ANKRD6: variants seen among roughly 807,000 people sequenced by gnomAD.
ANKRD6 encodes the protein ankyrin repeat domain-containing protein 6.
Under a neutral mutation model 82.3 loss-of-function variants are expected in ANKRD6, and 56 were observed. The observed-to-expected ratio is 0.68, with a 90% CI of 0.55 to 0.85. The LOEUF is 0.85. Among genes scored for constraint, ANKRD6 ranks in the 40% least tolerant of loss-of-function variants. The probability of loss-of-function intolerance (pLI) is 0.00; values close to 1 mark genes in which losing one functional copy is unlikely to be tolerated. For missense variants in ANKRD6, 852 were observed against 907.6 expected, an observed-to-expected ratio of 0.94 and a Z score of 0.79; for synonymous variants, 347 against 352.1, an observed-to-expected ratio of 0.99 and a Z score of 0.16.
At chr6:89,530,075 G>A (rs567665591) in intron 1 of ANKRD6, among the ~76,000 whole-genome samples, 1 of 152,084 alleles carries the variant, frequency 6.6e-6, no homozygotes, top group African/African-American at 2.4e-5. Flanking sequence ...GCAATGTGGT[G>A]AAACCCTGCC....
rs1186797557 is a variant in ANKRD6 at position 89,552,677 on chromosome 6, C to T, written c.-143-14157C>T. On this transcript the variant is annotated intron_variant, in intron 1 of 15. Coordinates refer to ENST00000339746, the MANE Select transcript of ANKRD6 (RefSeq NM_001242809.2). The stretch of plus-strand genomic sequence containing the variant: ...GTGAGTGCTTTTTCTGTGCCAAGTG[C>T]CGTGCTTATCATCTACTCCCTTGGG... Among the ~76,000 whole-genome samples, 4 of 152,276 alleles carry T rather than the reference C, an allele frequency of 2.6e-5. No individual in the cohort carries two copies. The East Asian group carries it at 7.7e-4, about 29-fold the overall frequency.
At chr6:89,570,111 C>G (rs1023312244) in intron 2 of ANKRD6, among the ~76,000 whole-genome samples, 1 of 147,906 alleles carries the variant, frequency 6.8e-6, no homozygotes, top group African/African-American at 2.5e-5. Flanking sequence ...AGATATGCTC[C>G]CCTCTGTCAC....
chr6:89,507,136 G>A (rs1779970256), intron 1 of ANKRD6, among the ~76,000 whole-genome samples: 1 of 152,112 alleles, frequency 6.6e-6, no homozygotes, highest in Non-Finnish European at 1.5e-5. Context: ...AATAAACAAA[G>A]TAGGCTCCAA....
At chr6:89,575,176 G>A (rs1212519384) in intron 2 of ANKRD6, among the ~76,000 whole-genome samples, 1 of 152,152 alleles carries the variant, frequency 6.6e-6, no homozygotes, top group African/African-American at 2.4e-5. Context: ...ATTCAACTAG[G>A]TCAGATAATT....
At chr6:89,538,546 A>G (rs1398286050) in intron 1 of ANKRD6, among the ~76,000 whole-genome samples, 1 of 152,224 alleles carries the variant, frequency 6.6e-6, no homozygotes, top group East Asian at 1.9e-4. Context: ...TCCTTCAAGA[A>G]TATCTTACTA....
intron 1 of ANKRD6, among the ~76,000 whole-genome samples, chr6:89,475,736 G>C (rs1041681162): frequency 2.6e-5 from 4 of 152,130 alleles, no homozygotes; most frequent in Non-Finnish European, 5.9e-5. Flanking sequence ...GTTTTCATAG[G>C]ACAGATTCCC....
chr6:89,597,831 A>C (rs9362663), intron 3 of ANKRD6, among the ~76,000 whole-genome samples: 101,728 of 152,112 alleles, frequency 0.67, 36,047 homozygotes, highest in Non-Finnish European at 0.79. Flanking sequence ...AGAAGGTAGA[A>C]TTGACCTTCA....
chr6:89,468,340 G>C (rs1046755565), intron 1 of ANKRD6, among the ~76,000 whole-genome samples: 1 of 152,080 alleles, frequency 6.6e-6, no homozygotes, highest in Admixed American at 6.5e-5. Flanking sequence ...TGTAAAATTT[G>C]TATCAATCAG....
intron 1 of ANKRD6, among the ~76,000 whole-genome samples, chr6:89,534,710 C>G (rs1374344860): frequency 2.0e-5 from 3 of 152,170 alleles, no homozygotes; most frequent in African/African-American, 4.8e-5. Flanking sequence ...GGTTCCTGCC[C>G]TCTTGGAGCT....
chr6:89,482,321 T>G (rs1241356482), intron 1 of ANKRD6, among the ~76,000 whole-genome samples: 1 of 152,242 alleles, frequency 6.6e-6, no homozygotes, highest in Non-Finnish European at 1.5e-5. Context: ...GCCGTAGATC[T>G]GCATTTTATA....
intron 1 of ANKRD6, among the ~76,000 whole-genome samples, chr6:89,472,459 G>A (rs1018721992): frequency 1.3e-5 from 2 of 152,114 alleles, no homozygotes; most frequent in African/African-American, 4.8e-5. Context: ...TCTGTAACTT[G>A]AATTTTGCTC....
chr6:89,470,910 C>T lies in ANKRD6; in HGVS notation c.-144+37535C>T, dbSNP rs1257147654. On this transcript the variant is annotated intron_variant, in intron 1 of 15. Transcript: ENST00000339746. Reference sequence around the variant, plus strand: ...TTGTGAGTGGATTTTTCACTACCCTCACCAACATGGATGTTGTCCAGTCAC... The same window carrying T: ...TTGTGAGTGGATTTTTCACTACCCTTACCAACATGGATGTTGTCCAGTCAC... Among the ~76,000 whole-genome samples the T allele has an allele frequency of 3.3e-5, 5 of 152,134 alleles. No homozygotes were observed. In the South Asian group the frequency reaches 1.0e-3, roughly 32 times the overall value.
chr6:89,618,724 A>G (rs1392759768), intron 9 of ANKRD6, among the ~76,000 whole-genome samples: 1 of 152,200 alleles, frequency 6.6e-6, no homozygotes, highest in African/African-American at 2.4e-5. Flanking sequence ...TGTGCTTACA[A>G]TGTATATACC....
chr6:89,574,500 A>T (rs1156248160), intron 2 of ANKRD6, among the ~76,000 whole-genome samples: 1 of 152,218 alleles, frequency 6.6e-6, no homozygotes, highest in Non-Finnish European at 1.5e-5. Context: ...GACATAAAAT[A>T]TTGATTATTT....
At chr6:89,518,572 G>A (rs1781509329) in intron 1 of ANKRD6, among the ~76,000 whole-genome samples, 1 of 152,068 alleles carries the variant, frequency 6.6e-6, no homozygotes, top group Non-Finnish European at 1.5e-5. Context: ...GCTTTGACTG[G>A]CAGGAGCAGT....
rs146496866 is a variant in ANKRD6 at position 89,438,996 on chromosome 6, G to GTATA, written c.-144+5625_-144+5628dup. Among the ~76,000 whole-genome samples, 102 of 151,948 alleles carry GTATA rather than the reference G, an allele frequency of 6.7e-4. No individual in the cohort carries two copies. The Middle Eastern group carries it at 0.017, about 25-fold the overall frequency. ...TATATGTATATATATGTATGTGTTT[G>GTATA]TATATATGTATATACACTGTATAAA... On this transcript the variant is annotated intron_variant, in intron 1 of 15. Transcript: ENST00000339746.
At chr6:89,496,525 T>G (rs1303508365) in intron 1 of ANKRD6, among the ~76,000 whole-genome samples, 5 of 151,448 alleles carry the variant, frequency 3.3e-5, no homozygotes, top group African/African-American at 1.2e-4. Context: ...AATTAATTAA[T>G]TTATTTATTT....
chr6:89,579,950 G>A (rs947835092), intron 2 of ANKRD6, among the ~76,000 whole-genome samples: 21 of 151,976 alleles, frequency 1.4e-4, no homozygotes, highest in Middle Eastern at 3.2e-3. Flanking sequence ...CCTGATTTCC[G>A]GACATACTGG....
At chr6:89,495,765 A>G (rs1778542419) in intron 1 of ANKRD6, among the ~76,000 whole-genome samples, 1 of 152,230 alleles carries the variant, frequency 6.6e-6, no homozygotes, top group Non-Finnish European at 1.5e-5. Context: ...TATTGCATTC[A>G]GTAAATTGCA....
Sources: allele counts gnomAD v4.1 joint callset (sites outside exome capture counted in the v4.1 genomes callset), GRCh38; gene constraint gnomAD v4.1.1; transcripts MANE v1.5; gene names NCBI Gene and HGNC (gene_info 2026-07-23, HGNC 2026-07-21).